Variants in SPCS2 observed in about 807,000 individuals in gnomAD.
SPCS2 encodes SPase 25 kDa subunit.
In SPCS2, 3 loss-of-function variants were observed where a neutral mutation model predicts 22.3. The observed-to-expected ratio is 0.13, with a 90% CI of 0.06 to 0.35. SPCS2 has a LOEUF of 0.35. Ranked by LOEUF, SPCS2 falls within the 10% of genes least tolerant of loss-of-function variation. The pLI is 1.00. For synonymous variants in SPCS2, 67 were observed against 97.2 expected (o/e 0.69, Z 1.83); for missense variants, 169 against 280.9 (o/e 0.60, Z 2.85).
intron 4 of SPCS2, among the ~76,000 whole-genome samples, chr11:74,976,068 C>T (rs1354149061): frequency 6.6e-6 from 1 of 152,124 alleles, no homozygotes; most frequent in African/African-American, 2.4e-5. Context: ...AGAGTAAAAC[C>T]TGGAGCTAGA....
rs915459414 is a variant in SPCS2, at chr11:74,969,791, C to G, written c.494+92C>G. 4.3e-6 allele frequency: 6 copies of G among 1,401,046 alleles called. No individual in the cohort carries two copies. The South Asian group carries it at 7.0e-5, about 16-fold the overall frequency. 86.8% of individuals were successfully genotyped at this position (1,401,046 alleles called of 1,614,324 possible). On this transcript the variant is annotated intron_variant, in intron 4 of 4. Coordinates refer to ENST00000263672, the MANE Select transcript of SPCS2 (RefSeq NM_014752.3). ...ACAGAAGACTTATTATGTGCCTACT[C>G]TATGTGGATCATAGGGCTAGTCATA...
intron 1 of SPCS2, among the ~76,000 whole-genome samples, chr11:74,954,868 C>G (rs906778190): frequency 6.6e-6 from 1 of 152,032 alleles, no homozygotes; most frequent in African/African-American, 2.4e-5. Flanking sequence ...TTTTACAACT[C>G]AGTAATAAAA....
chr11:74,951,310 A>G lies in SPCS2; in HGVS notation c.114+1911A>G, dbSNP rs139456723. ...AAGACAGTACACATTAATGATCTCC[A>G]TTACCTGTAGTGTCCAGTACAGATG... On this transcript the variant is annotated intron_variant, in intron 1 of 4. Transcript: ENST00000263672. Among the ~76,000 whole-genome samples, 279 of 152,312 alleles carry G rather than the reference A, an allele frequency of 1.8e-3. 1 individual carries two copies. The highest frequency in any genetic ancestry group is 4.5e-3 in the Admixed American group (69 of 15,300).
Position 74,977,605 on chromosome 11 carries a change from C to T in SPCS2, c.*562C>T, listed in dbSNP as rs1004275614. ...TGCCTGTTACATTTTTGCTTTTAAC[C>T]AATTAAAGAAGCCAATGGCATTTTA... On this transcript the variant is annotated 3_prime_UTR_variant, in exon 5 of 5. Transcript: ENST00000263672. 1.3e-5 allele frequency: 2 copies of T among 152,532 alleles called. No individual in the cohort carries two copies. The highest frequency in any genetic ancestry group is 2.9e-5 in the Non-Finnish European group (2 of 68,028). The allele number at this position is 152,532 out of a possible 1,614,324, so 9.4% of individuals were successfully genotyped here. A position where few individuals can be genotyped will look rare whatever the true frequency, so the allele number is the denominator to read the frequency against.
intron 1 of SPCS2, among the ~76,000 whole-genome samples, chr11:74,959,277 T>C (rs770331347): frequency 1.1e-4 from 17 of 152,238 alleles, no homozygotes; most frequent in Middle Eastern, 3.2e-3. Flanking sequence ...CTCAGGTCTT[T>C]TATATCACTG....
At chr11:74,953,318 G>A (rs528848851) in intron 1 of SPCS2, among the ~76,000 whole-genome samples, 3 of 151,466 alleles carry the variant, frequency 2.0e-5, no homozygotes, top group East Asian at 1.9e-4. Flanking sequence ...TCAGTCTCCC[G>A]AGTAGCTGGG....
rs530768653 is a variant in SPCS2 at position 74,977,187 on chromosome 11, G to A, written c.*144G>A. ...TGTCCTGAAATTTTAGTCTATTCTGGGTAAATAGGATTTTCTGACACAGAT... is the reference window on the plus strand; with the variant it reads ...TGTCCTGAAATTTTAGTCTATTCTGAGTAAATAGGATTTTCTGACACAGAT... On this transcript the variant is annotated 3_prime_UTR_variant, in exon 5 of 5. Coordinates refer to ENST00000263672, the MANE Select transcript of SPCS2 (RefSeq NM_014752.3). 7.5e-7 allele frequency: 1 copy of A among 1,341,466 alleles called. No homozygotes were observed. The highest frequency in any genetic ancestry group is 1.5e-5 in the African/African-American group (1 of 67,026). 83.1% of individuals were successfully genotyped at this position (1,341,466 alleles called of 1,614,324 possible).
intron 1 of SPCS2, among the ~76,000 whole-genome samples, chr11:74,959,684 T>C (rs910896529): frequency 2.6e-5 from 4 of 152,236 alleles, no homozygotes; most frequent in African/African-American, 9.6e-5. Context: ...GTTATAAACA[T>C]GTTGCCACTG....
intron 1 of SPCS2, among the ~76,000 whole-genome samples, chr11:74,954,641 G>A (rs951553176): frequency 1.3e-5 from 2 of 152,180 alleles, no homozygotes. Context: ...TTGTGTGTGT[G>A]TGTTTAATGA....
At chr11:74,973,674 T>A (rs1358284875) in intron 4 of SPCS2, among the ~76,000 whole-genome samples, 1 of 152,166 alleles carries the variant, frequency 6.6e-6, no homozygotes, top group Non-Finnish European at 1.5e-5. Flanking sequence ...ACTTCTGTAG[T>A]CCAGTTACTC....
chr11:74,960,792 T>A (rs1388816521), intron 1 of SPCS2, among the ~76,000 whole-genome samples: 1 of 152,162 alleles, frequency 6.6e-6, no homozygotes, highest in South Asian at 2.1e-4. Flanking sequence ...TGTAGAGTTA[T>A]TGTGGAAATT....
chr11:74,970,746 T>C (rs530009943), intron 4 of SPCS2, among the ~76,000 whole-genome samples: 14 of 152,340 alleles, frequency 9.2e-5, no homozygotes, highest in African/African-American at 3.1e-4. Context: ...TCAGCCATCA[T>C]AATCTGCATC....
At chr11:74,972,600 C>T (rs1948591077) in intron 4 of SPCS2, among the ~76,000 whole-genome samples, 1 of 152,062 alleles carries the variant, frequency 6.6e-6, no homozygotes, top group Non-Finnish European at 1.5e-5. Context: ...GAATGATTGA[C>T]ATTCATCTGG....
intron 3 of SPCS2, among the ~76,000 whole-genome samples, chr11:74,968,816 C>A (rs111306834): frequency 1.3e-5 from 2 of 151,944 alleles, no homozygotes; most frequent in Non-Finnish European, 2.9e-5. Context: ...TGAGCCACCA[C>A]GCCTAGCCTT....
chr11:74,964,197 G>A (rs1452801820), intron 1 of SPCS2, among the ~76,000 whole-genome samples: 3 of 152,184 alleles, frequency 2.0e-5, no homozygotes, highest in Admixed American at 6.5e-5. Context: ...CATTTCACAT[G>A]TATTCAGTTA....
intron 1 of SPCS2, among the ~76,000 whole-genome samples, chr11:74,960,201 A>G (rs1017933307): frequency 4.6e-5 from 7 of 152,154 alleles, no homozygotes; most frequent in African/African-American, 1.4e-4. Context: ...CTGTGATGAC[A>G]CTTGTCTGTA....
chr11:74,978,278 A>G lies in SPCS2; in HGVS notation c.*1235A>G, dbSNP rs1330520789. The stretch of plus-strand genomic sequence containing the variant: ...ATTCAGTTTGTAAGAAATTACCATT[A>G]TCACATTTCCTGTTTGTCTTGGAGA... On this transcript the variant is annotated 3_prime_UTR_variant, in exon 5 of 5. Transcript: ENST00000263672. 1 of 152,256 alleles carries G rather than the reference A, an allele frequency of 6.6e-6. No individual in the cohort carries two copies. Among genetic ancestry groups the G allele is most frequent in the Non-Finnish European group, 1.5e-5 (1 of 68,046 alleles). 9.4% of individuals were successfully genotyped at this position (152,256 alleles called of 1,614,324 possible). A position where few individuals can be genotyped will look rare whatever the true frequency, so the allele number is the denominator to read the frequency against.
rs1053064116 is a variant in SPCS2 at position 74,965,920 on chromosome 11, TATC to T, written c.359_359+2del. The stretch of plus-strand genomic sequence containing the variant: ...AAACCCGTTTTGGCTTTGTGTGTCA[TATC>T]ATATCCTTTATTTATGCTCAGGTTG... On this transcript the variant is annotated inframe_deletion and splice_region_variant, in exon 3 of 5. Coordinates refer to ENST00000263672, the MANE Select transcript of SPCS2 (RefSeq NM_014752.3). 6.2e-7 allele frequency: 1 copy of T among 1,602,430 alleles called. No homozygotes were observed. The highest frequency in any genetic ancestry group is 8.5e-7 in the Non-Finnish European group (1 of 1,176,200).
intron 1 of SPCS2, among the ~76,000 whole-genome samples, chr11:74,961,171 A>G (rs185440327): frequency 1.3e-5 from 2 of 152,322 alleles, no homozygotes; most frequent in Non-Finnish European, 2.9e-5. Flanking sequence ...ATATAGTTTT[A>G]TATCATTAAT....
Sources: gnomAD v4.1 joint callset for allele counts (sites outside exome capture counted in the v4.1 genomes callset) on GRCh38, gnomAD v4.1.1 for gene constraint, MANE v1.5 for transcripts, NCBI Gene and HGNC (gene_info 2026-07-23, HGNC 2026-07-21) for gene names.